RTTN: variants seen among roughly 807,000 people sequenced by gnomAD.
RTTN encodes the protein rotatin.
Under a neutral mutation model 269.2 loss-of-function variants are expected in RTTN, and 182 were observed. The ratio of observed to expected loss-of-function variants is 0.68; its 90% CI spans 0.60 to 0.76. The LOEUF (loss-of-function observed/expected upper bound fraction) is 0.76, where lower values mean the gene tolerates loss of function less well. RTTN is among the 30% of genes least tolerant of loss of function. The pLI is 0.00. For missense variants in RTTN, 2,545 were observed against 2,608.6 expected, an observed-to-expected ratio of 0.98 and a Z score of 0.53; for synonymous variants, 1,006 against 963.5, an observed-to-expected ratio of 1.04 and a Z score of -0.82.
At chr18:70,105,881 A>C (rs1459298696) in intron 28 of RTTN, among the ~76,000 whole-genome samples, 2 of 152,116 alleles carry the variant, frequency 1.3e-5, no homozygotes, top group Non-Finnish European at 2.9e-5. Context: ...ACTGTATCTT[A>C]ATTTAAAAAC....
Position 70,150,521 on chromosome 18 carries a change from T to C in RTTN, c.2055+87A>G, listed in dbSNP as rs1277733034. On this transcript the variant is annotated intron_variant, in intron 15 of 48. Coordinates refer to ENST00000640769, the MANE Select transcript of RTTN (RefSeq NM_173630.4). ...CAGGTTTCTTTTTAGTTTCTCACCATGCTATCTAAACTATATTAGAATATC... is the reference window on the plus strand; with the variant it reads ...CAGGTTTCTTTTTAGTTTCTCACCACGCTATCTAAACTATATTAGAATATC... 14 of 1,233,722 alleles carry C rather than the reference T, an allele frequency of 1.1e-5. No homozygotes were observed. The East Asian group carries it at 2.9e-4, about 26-fold the overall frequency. The allele number at this position is 1,233,722 out of a possible 1,614,324, so 76.4% of individuals were successfully genotyped here. A position where few individuals can be genotyped will look rare whatever the true frequency, so the allele number is the denominator to read the frequency against.
chr18:70,049,355 G>A lies in RTTN; in HGVS notation c.5324-1167C>T, dbSNP rs575894349. Among the ~76,000 whole-genome samples the A allele has an allele frequency of 2.3e-3, 346 of 152,126 alleles. 1 individual carries two copies. The highest frequency in any genetic ancestry group is 8.0e-3 in the African/African-American group (332 of 41,520). ...ACTAATTTTCCCCCAATAAATACAA[G>A]AAGAAAATCCCAATGTCTTAATCAG... On this transcript the variant is annotated intron_variant, in intron 39 of 48. Coordinates refer to ENST00000640769, the MANE Select transcript of RTTN (RefSeq NM_173630.4).
chr18:70,084,819 A>G (rs1452168252), intron 32 of RTTN, among the ~76,000 whole-genome samples: 1 of 152,184 alleles, frequency 6.6e-6, no homozygotes, highest in East Asian at 1.9e-4. Flanking sequence ...GCTAACTTAA[A>G]TCACTATTTT....
At chr18:70,107,411 A>G (rs976639284) in intron 28 of RTTN, among the ~76,000 whole-genome samples, 2 of 152,268 alleles carry the variant, frequency 1.3e-5, no homozygotes, top group Non-Finnish European at 2.9e-5. Context: ...TATGAAGCCC[A>G]AGGGCAGATA....
At chr18:70,149,062 A>C (rs777499682) in intron 16 of RTTN, 25 bp from the exon 17 acceptor site, 14 of 1,602,358 alleles carry the variant, frequency 8.7e-6, no homozygotes, top group Non-Finnish European at 1.2e-5. Flanking sequence ...TTTAAAGAGA[A>C]ATTATTGTCT....
At chr18:70,135,108 G>T in intron 22 of RTTN, 76 bp downstream of exon 22, 2 of 799,580 alleles carry the variant, frequency 2.5e-6, no homozygotes, top group Non-Finnish European at 4.0e-6. Flanking sequence ...AAATTTCCAT[G>T]CCTTGCTATA....
Position 70,092,899 on chromosome 18 carries a change from T to A in RTTN, c.3904-95A>T, listed in dbSNP as rs544559559. ...TGTCTACTGACTTGTATGAATTGAA[T>A]CCTTACCTTATAAAGTTGTAATATT... On this transcript the variant is annotated intron_variant, in intron 28 of 48. Coordinates refer to ENST00000640769, the MANE Select transcript of RTTN (RefSeq NM_173630.4). The A allele has an allele frequency of 8.4e-4, 889 of 1,064,362 alleles. 2 individuals carry two copies. The highest frequency in any genetic ancestry group is 1.2e-3 in the Admixed American group (43 of 37,046). The allele number at this position is 1,064,362 out of a possible 1,614,324, so 65.9% of individuals were successfully genotyped here.
Position 70,158,092 on chromosome 18 carries a change from T to A in RTTN, c.1930-7359A>T, listed in dbSNP as rs1239459690. Among the ~76,000 whole-genome samples the A allele has an allele frequency of 2.0e-5, 3 of 151,840 alleles. No individual in the cohort carries two copies. The East Asian group carries it at 5.8e-4, about 29-fold the overall frequency. The stretch of plus-strand genomic sequence containing the variant: ...AGGTCAATAAGCAAATTCAGGAAAC[T>A]CAGAGAACCCCAGTGAGATACTATT... On this transcript the variant is annotated intron_variant, in intron 14 of 48. Transcript: ENST00000640769.
intron 43 of RTTN, among the ~76,000 whole-genome samples, chr18:70,027,902 T>C (rs1236551032): frequency 6.6e-6 from 1 of 152,206 alleles, no homozygotes; most frequent in East Asian, 1.9e-4. Context: ...AGATGTGGTA[T>C]GGTTTTTCCA....
intron 25 of RTTN, among the ~76,000 whole-genome samples, chr18:70,125,937 T>C (rs564137401): frequency 6.6e-6 from 1 of 152,188 alleles, no homozygotes; most frequent in South Asian, 2.1e-4. Flanking sequence ...TAGTGAAACA[T>C]AATACAGCAG....
intron 40 of RTTN, among the ~76,000 whole-genome samples, chr18:70,042,836 A>T (rs2057385863): frequency 6.6e-6 from 1 of 152,112 alleles, no homozygotes; most frequent in Non-Finnish European, 1.5e-5. Flanking sequence ...ATCTCAAAAG[A>T]CCTCCTCAGT....
At chr18:70,066,284 A>G (rs1249162837) in intron 34 of RTTN, among the ~76,000 whole-genome samples, 1 of 152,198 alleles carries the variant, frequency 6.6e-6, no homozygotes, top group Non-Finnish European at 1.5e-5. Context: ...TTCTTGATTG[A>G]CAATAAAGAT....
In RTTN at chr18:70,192,443, G is replaced by A. The variant is rs186842589; in HGVS notation, c.1007+845C>T. 4.0e-3 allele frequency among the ~76,000 whole-genome samples: 605 copies of A among 152,244 alleles called. 5 individuals carry two copies. Among genetic ancestry groups the A allele is most frequent in the African/African-American group, 0.014 (569 of 41,556 alleles). ...TGTCTGTAATCTCAGCACTTTACGA[G>A]GCCAAGATGGGAAGATCACTTGAGC... is the stretch of plus-strand genomic sequence containing the variant. On this transcript the variant is annotated intron_variant, in intron 8 of 48. Transcript: ENST00000640769.
chr18:70,145,601 T>C lies in RTTN; in HGVS notation c.2481+11A>G, dbSNP rs2145755230. ...TTACCACACAGTAATAAACTCAAAA[T>C]TTATAGTCACCTTAATAACCAGCTC... On this transcript the variant is annotated intron_variant, in intron 18 of 48. Transcript: ENST00000640769. 1 of 1,571,184 alleles carries C rather than the reference T, an allele frequency of 6.4e-7. No homozygotes were observed. Among genetic ancestry groups the C allele is most frequent in the South Asian group, 1.2e-5 (1 of 83,668 alleles).
intron 14 of RTTN, among the ~76,000 whole-genome samples, chr18:70,151,764 A>G (rs1294022259): frequency 6.6e-6 from 1 of 152,060 alleles, no homozygotes; most frequent in African/African-American, 2.4e-5. Context: ...TACTTCCTAA[A>G]ATTGTCTTAT....
intron 28 of RTTN, among the ~76,000 whole-genome samples, chr18:70,094,410 C>T (rs989659995): frequency 6.6e-6 from 1 of 152,144 alleles, no homozygotes; most frequent in African/African-American, 2.4e-5. Context: ...GATTTTAGAT[C>T]TTTCCCCCTT....
chr18:70,151,464 T>C (rs915227243), intron 14 of RTTN, among the ~76,000 whole-genome samples: 1 of 151,960 alleles, frequency 6.6e-6, no homozygotes, highest in Non-Finnish European at 1.5e-5. Context: ...AAGGTAAAAA[T>C]ACAATAAATA....
chr18:70,145,766 A>C lies in RTTN; in HGVS notation c.2327T>G (p.Leu776Ter). ...GGTAAGATGGAATGCTAAAAGCTTT[A>C]ATGCTAGCGAACGGACCCTGAGAAC... ...VKKPSVRSLA[L>*]KLLAFHLTSE... The change falls in exon 18 of 49, where the codon TTA becomes TGA. Residue 776 changes from leucine (L) to a stop codon, truncating the protein, a stop_gained. Transcript: ENST00000640769. LOFTEE classifies it high-confidence loss of function. 7 of 1,610,352 alleles carry C rather than the reference A, an allele frequency of 4.3e-6. No homozygotes were observed. Among genetic ancestry groups the C allele is most frequent in the Non-Finnish European group, 5.9e-6 (7 of 1,178,816 alleles).
At chr18:70,199,350 A>G in intron 5 of RTTN, 64 bp downstream of exon 5, 4 of 1,060,214 alleles carry the variant, frequency 3.8e-6, no homozygotes, top group South Asian at 1.4e-5. Flanking sequence ...ACATATTGTA[A>G]TAACTATCAA....
Sources: allele counts gnomAD v4.1 joint callset (sites outside exome capture counted in the v4.1 genomes callset), GRCh38; gene constraint gnomAD v4.1.1; transcripts MANE v1.5; gene names NCBI Gene and HGNC (gene_info 2026-07-23, HGNC 2026-07-21).